The following POC1B variants were observed in gnomAD, a reference collection of about 807,000 sequenced individuals.
POC1B encodes the protein POC1 centriolar protein homolog B.
In POC1B, 44 loss-of-function variants were observed where a neutral mutation model predicts 60.6. The ratio of observed to expected loss-of-function variants is 0.73; its 90% CI spans 0.57 to 0.93. The LOEUF is 0.93. POC1B is among the 40% of genes least tolerant of loss of function. The probability of loss-of-function intolerance (pLI) is 0.00; values close to 1 mark genes in which losing one functional copy is unlikely to be tolerated. For missense variants in POC1B, 555 were observed against 572.3 expected, an observed-to-expected ratio of 0.97 and a Z score of 0.31; for synonymous variants, 180 against 198.9, an observed-to-expected ratio of 0.90 and a Z score of 0.80.
Position 89,420,954 on chromosome 12 carries a change from C to T in POC1B, c.*199G>A, listed in dbSNP as rs1341278005. ...TAAATGATAGTAATTTAAATTAGTCCTTCACATTGATATGTGTTTAAATTA... is the reference window on the plus strand; with the variant it reads ...TAAATGATAGTAATTTAAATTAGTCTTTCACATTGATATGTGTTTAAATTA... On this transcript the variant is annotated 3_prime_UTR_variant, in exon 12 of 12. Coordinates refer to ENST00000313546, the MANE Select transcript of POC1B (RefSeq NM_172240.3). 2.3e-6 allele frequency: 1 copy of T among 432,278 alleles called. No homozygotes were observed. The highest frequency in any genetic ancestry group is 4.1e-6 in the Non-Finnish European group (1 of 242,224). 26.8% of individuals were successfully genotyped at this position (432,278 alleles called of 1,614,324 possible).
rs191474943 is a variant in POC1B at position 89,471,339 on chromosome 12, C to A, written c.676+275G>T. ...CAGTCATTTCTATCCTGACTTCTCACACAATGCTGATAACCAGAATTTGAA... is the reference window on the plus strand; with the variant it reads ...CAGTCATTTCTATCCTGACTTCTCAAACAATGCTGATAACCAGAATTTGAA... On this transcript the variant is annotated intron_variant, in intron 6 of 11. Transcript: ENST00000313546. Among the ~76,000 whole-genome samples the A allele has an allele frequency of 1.4e-4, 21 of 152,320 alleles. No individual in the cohort carries two copies. The East Asian group carries it at 3.9e-3, about 28-fold the overall frequency.
the POC1B span, among the ~76,000 whole-genome samples, chr12:89,414,497 A>C: frequency 6.6e-6 from 1 of 152,226 alleles, no homozygotes; most frequent in African/African-American, 2.4e-5. Context: ...TACCTGACTG[A>C]GTCACAGTTG....
chr12:89,479,175 T>C (rs1220991183), intron 4 of POC1B, among the ~76,000 whole-genome samples: 1 of 152,212 alleles, frequency 6.6e-6, no homozygotes, highest in Admixed American at 6.5e-5. Flanking sequence ...TGTTCATGCA[T>C]AGGTCTTTTA....
intron 7 of POC1B, 115 bp from the exon 8 acceptor site, chr12:89,467,800 G>A: frequency 1.5e-6 from 1 of 684,100 alleles, no homozygotes; most frequent in Non-Finnish European, 2.4e-6. Flanking sequence ...CATGCAATAA[G>A]TCTAATAAAA....
chr12:89,473,280 A>G (rs753354130), intron 4 of POC1B, among the ~76,000 whole-genome samples: 46 of 152,224 alleles, frequency 3.0e-4, no homozygotes, highest in Non-Finnish European at 5.7e-4. Context: ...CTTAAGGCTG[A>G]CCTAAAATTA....
chr12:89,424,248 G>A (rs1880658001), intron 11 of POC1B, among the ~76,000 whole-genome samples: 1 of 152,246 alleles, frequency 6.6e-6, no homozygotes, highest in South Asian at 2.1e-4. Context: ...TCATATGTGG[G>A]TTCTTAAAAG....
intron 3 of POC1B, 94 bp downstream of exon 3, chr12:89,497,077 A>T (rs1355619390): frequency 2.4e-6 from 3 of 1,244,804 alleles, no homozygotes; most frequent in Non-Finnish European, 3.3e-6. Context: ...TGAGAATAAC[A>T]GTGCAGGCAG....
chr12:89,455,219 G>A (rs1318232219), intron 10 of POC1B, among the ~76,000 whole-genome samples: 3 of 151,978 alleles, frequency 2.0e-5, no homozygotes, highest in Non-Finnish European at 4.4e-5. Flanking sequence ...CCTGTAATCC[G>A]AGCTACTCAG....
At chr12:89,438,732 A>C (rs1385333499) in intron 10 of POC1B, among the ~76,000 whole-genome samples, 1 of 152,132 alleles carries the variant, frequency 6.6e-6, no homozygotes, top group East Asian at 1.9e-4. Context: ...CCCTCTTCTA[A>C]TTCTATACTT....
At chr12:89,511,007 G>A (rs112258230) in intron 2 of POC1B, among the ~76,000 whole-genome samples, 3,726 of 151,850 alleles carry the variant, frequency 0.025, 71 homozygotes, top group Non-Finnish European at 0.035. Context: ...TGCCTACTTC[G>A]GCCCCCCAAA....
intron 2 of POC1B, among the ~76,000 whole-genome samples, chr12:89,499,119 G>C (rs1292218240): frequency 6.6e-6 from 1 of 152,160 alleles, no homozygotes; most frequent in Non-Finnish European, 1.5e-5. Context: ...TTCCATAGTA[G>C]ACAGGAGAGA....
At chr12:89,492,887 C>T (rs1211933366) in intron 3 of POC1B, among the ~76,000 whole-genome samples, 1 of 151,994 alleles carries the variant, frequency 6.6e-6, no homozygotes, top group Non-Finnish European at 1.5e-5. Flanking sequence ...ACATCCTTCA[C>T]CTAGGTTACT....
chr12:89,418,809 A>C (rs1880415600), downstream of POC1B, among the ~76,000 whole-genome samples: 1 of 152,176 alleles, frequency 6.6e-6, no homozygotes, highest in South Asian at 2.1e-4. Flanking sequence ...CATCTGCACT[A>C]TGCTTCTTGT....
At chr12:89,417,155 C>A (rs896042489), downstream of POC1B, among the ~76,000 whole-genome samples, 1 of 152,166 alleles carries the variant, frequency 6.6e-6, no homozygotes, top group Non-Finnish European at 1.5e-5. Flanking sequence ...AAGAAATAAT[C>A]TATTTGTAAA....
intron 4 of POC1B, among the ~76,000 whole-genome samples, chr12:89,483,005 C>G (rs1868429696): frequency 1.3e-5 from 2 of 151,908 alleles, no homozygotes; most frequent in Admixed American, 1.3e-4. Flanking sequence ...CCTCCACCTC[C>G]CAGGTTCAAG....
the POC1B span, among the ~76,000 whole-genome samples, chr12:89,403,315 C>T: frequency 1.5e-4 from 23 of 152,190 alleles, no homozygotes; most frequent in East Asian, 3.5e-3. Context: ...CCCTGACACA[C>T]GTACATTTTT....
intron 2 of POC1B, among the ~76,000 whole-genome samples, chr12:89,505,586 G>A (rs1046614891): frequency 1.3e-5 from 2 of 152,178 alleles, no homozygotes; most frequent in Non-Finnish European, 2.9e-5. Context: ...TGGCTGGAAG[G>A]GAACACAAGA....
Position 89,478,170 on chromosome 12 carries a change from C to T in POC1B, c.453-5895G>A, listed in dbSNP as rs116423665. On this transcript the variant is annotated intron_variant, in intron 4 of 11. Coordinates refer to ENST00000313546, the MANE Select transcript of POC1B (RefSeq NM_172240.3). Reference sequence around the variant, plus strand: ...TGTAGCCCAGGCTGGAGTGCAATGGCGGGATCTTAGCTCACTGCGACCTCC... The same window carrying T: ...TGTAGCCCAGGCTGGAGTGCAATGGTGGGATCTTAGCTCACTGCGACCTCC... Among the ~76,000 whole-genome samples the T allele has an allele frequency of 6.7e-3, 1,015 of 152,164 alleles. 20 individuals are homozygous for T. The highest frequency in any genetic ancestry group is 0.024 in the African/African-American group (978 of 41,498).
At chr12:89,433,772 T>C (rs768736411) in intron 10 of POC1B, among the ~76,000 whole-genome samples, 3 of 152,312 alleles carry the variant, frequency 2.0e-5, no homozygotes, top group South Asian at 4.1e-4. Context: ...TCTGAGAATC[T>C]TGACAAAGAG....
Sources: gnomAD v4.1 joint callset for allele counts (sites outside exome capture counted in the v4.1 genomes callset) on GRCh38, gnomAD v4.1.1 for gene constraint, MANE v1.5 for transcripts, NCBI Gene and HGNC (gene_info 2026-07-23, HGNC 2026-07-21) for gene names.